The following SRFBP1 variants were observed in gnomAD, a reference collection of about 807,000 sequenced individuals.
SRFBP1 encodes the protein serum response factor-binding protein 1.
A neutral mutation model predicts 45.5 loss-of-function variants in SRFBP1; 47 were observed. The ratio of observed to expected loss-of-function variants is 1.03; its 90% CI spans 0.82 to 1.32. SRFBP1 has a LOEUF of 1.32. Among genes scored for constraint, SRFBP1 ranks in the 40% most tolerant of loss-of-function variants. The pLI is 0.00. For missense variants in SRFBP1, 621 were observed against 484.6 expected (o/e 1.28, Z -2.64); for synonymous variants, 203 against 166.3 (o/e 1.22, Z -1.70).
Position 122,036,636 on chromosome 5 carries a change from C to G in SRFBP1, n.311+14229C>G, listed in dbSNP as rs1042225641. Among the ~76,000 whole-genome samples, 106 of 152,044 alleles carry G rather than the reference C, an allele frequency of 7.0e-4. 1 individual carries two copies. Among genetic ancestry groups the G allele is most frequent in the Non-Finnish European group, 6.8e-4 (46 of 68,020 alleles). ...AGTGATTTACGCCTATGTGATTGAC[C>G]CTGTGTAAAAACCTTGAGCACCAAG... On this transcript the variant is annotated intron_variant and non_coding_transcript_variant, in intron 2 of 2. Coordinates refer to the SRFBP1 transcript ENST00000504881.
chr5:122,022,064 A>G (rs73795207), intron 6 of SRFBP1, among the ~76,000 whole-genome samples: 9 of 151,824 alleles, frequency 5.9e-5, no homozygotes, highest in Non-Finnish European at 1.2e-4. Flanking sequence ...AATTCTTTAT[A>G]TAGATAATCC....
intron 4 of SRFBP1, among the ~76,000 whole-genome samples, chr5:122,018,513 G>C (rs1294461294): frequency 6.6e-6 from 1 of 152,152 alleles, no homozygotes; most frequent in Non-Finnish European, 1.5e-5. Context: ...CATACAATAA[G>C]ATGGAAAAGC....
At chr5:122,021,896 A>C (rs2112710162) in intron 6 of SRFBP1, among the ~76,000 whole-genome samples, 1 of 151,036 alleles carries the variant, frequency 6.6e-6, no homozygotes, top group African/African-American at 2.4e-5. Flanking sequence ...GGGTTTCACC[A>C]TATTGGCCCG....
chr5:121,962,056 C>T lies in SRFBP1; in HGVS notation c.24C>T (p.Asn8=). Residue 8 remains asparagine (N), a synonymous_variant, in exon 1 of 8, where the codon AAC becomes AAT. Coordinates refer to ENST00000339397, the MANE Select transcript of SRFBP1 (RefSeq NM_152546.3). ...CCATGGCTCAGCCGGGAACTCTGAA[C>T]CTCAATAACGAGGTGAGCGCCGAGG... is the stretch of plus-strand genomic sequence containing the variant. The part of the protein sequence containing the change: MAQPGTL[N]LNNEVVKMRK... 1.2e-6 allele frequency: 2 copies of T among 1,614,102 alleles called. No homozygotes were observed. Among genetic ancestry groups the T allele is most frequent in the Non-Finnish European group, 1.7e-6 (2 of 1,180,034 alleles).
downstream of SRFBP1, among the ~76,000 whole-genome samples, chr5:122,029,074 T>C (rs6886480): frequency 0.028 from 4,176 of 150,936 alleles, 204 homozygotes; most frequent in African/African-American, 0.096. Context: ...GGAGTGATTT[T>C]CCCCCCAGGG....
At position 122,000,725 on chromosome 5, in the gene SRFBP1, A is replaced by G. The variant is rs200208147; in HGVS notation, c.270+6055A>G. Among the ~76,000 whole-genome samples, 6 of 152,044 alleles carry G rather than the reference A, an allele frequency of 3.9e-5. No individual in the cohort carries two copies. The East Asian group carries it at 1.2e-3, about 29-fold the overall frequency. On this transcript the variant is annotated intron_variant, in intron 4 of 7. Transcript: ENST00000339397. ...GTTCACTCTGACTGGTTCAGTGTGA[A>G]TTTGCTATTTGTCCATCTTTTTTGT...
chr5:122,076,829 C>T (rs1324862223), downstream of SRFBP1: 56 of 1,433,806 alleles, frequency 3.9e-5, no homozygotes, highest in Non-Finnish European at 5.3e-5. Flanking sequence ...CAGTCAGAAC[C>T]AGGCACCAGA....
chr5:122,072,310 G>A (rs1438987808), intron 2 of SRFBP1, among the ~76,000 whole-genome samples: 1 of 152,122 alleles, frequency 6.6e-6, no homozygotes, highest in African/African-American at 2.4e-5. Flanking sequence ...GAGTTACTAA[G>A]GCAAATAGGC....
chr5:122,035,584 A>C (rs1267994534), intron 2 of SRFBP1, among the ~76,000 whole-genome samples: 3 of 152,176 alleles, frequency 2.0e-5, no homozygotes, highest in African/African-American at 7.2e-5. Context: ...GGATTCAAGA[A>C]AATTTATGAT....
intron 2 of SRFBP1, among the ~76,000 whole-genome samples, chr5:122,054,702 C>T (rs1169427239): frequency 6.6e-6 from 1 of 152,156 alleles, no homozygotes; most frequent in African/African-American, 2.4e-5. Context: ...TCTCAGCTTC[C>T]TTTCCTCCAC....
chr5:122,046,866 T>TG (rs1753869630), intron 2 of SRFBP1, among the ~76,000 whole-genome samples: 1 of 152,314 alleles, frequency 6.6e-6, no homozygotes, highest in East Asian at 1.9e-4. Context: ...TGTCTGTTCA[T>TG]TCCTTTGCCC....
chr5:122,033,487 T>TG (rs1023086142), downstream of SRFBP1, among the ~76,000 whole-genome samples: 4 of 152,090 alleles, frequency 2.6e-5, no homozygotes, highest in African/African-American at 9.7e-5. Context: ...TCTGCTTTTT[T>TG]TTTTTGAGGT....
chr5:122,021,499 A>G (rs1161237818), intron 6 of SRFBP1, among the ~76,000 whole-genome samples: 1 of 152,120 alleles, frequency 6.6e-6, no homozygotes, highest in Non-Finnish European at 1.5e-5. Context: ...GAAAAATGTG[A>G]TGTAAAAATT....
chr5:122,020,822 C>G lies in SRFBP1; in HGVS notation c.1067+20C>G. The G allele has an allele frequency of 6.6e-7, 1 of 1,504,842 alleles. No homozygotes were observed. The highest frequency in any genetic ancestry group is 8.9e-7 in the Non-Finnish European group (1 of 1,128,064). The allele number at this position is 1,504,842 out of a possible 1,614,324, so 93.2% of individuals were successfully genotyped here. ...TAGAAGGTAAGATTCTTTTTCTATTCTGAAATAATCATTAGTTCTTTTTTA... is the reference window on the plus strand; with the variant it reads ...TAGAAGGTAAGATTCTTTTTCTATTGTGAAATAATCATTAGTTCTTTTTTA... On this transcript the variant is annotated intron_variant, in intron 6 of 7. Transcript: ENST00000339397.
rs75017243 is a variant in SRFBP1, at chr5:122,010,370, T to C, written c.271-8890T>C. Among the ~76,000 whole-genome samples the C allele has an allele frequency of 5.1e-3, 784 of 152,264 alleles. 20 individuals are homozygous for C. The East Asian group carries it at 0.053, about 10-fold the overall frequency. Reference sequence around the variant, plus strand: ...ATGGTGCTCTGGGACCAAATACATTTAGAAATCGATCCACTGCTGGAAATA... The same window carrying C: ...ATGGTGCTCTGGGACCAAATACATTCAGAAATCGATCCACTGCTGGAAATA... On this transcript the variant is annotated intron_variant, in intron 4 of 7. Coordinates refer to ENST00000339397, the MANE Select transcript of SRFBP1 (RefSeq NM_152546.3).
At chr5:121,972,215 A>C (rs1752213522) in intron 1 of SRFBP1, among the ~76,000 whole-genome samples, 1 of 151,972 alleles carries the variant, frequency 6.6e-6, no homozygotes, top group Non-Finnish European at 1.5e-5. Context: ...AAGACAGTTA[A>C]AAGATAAACT....
At chr5:121,978,757 A>G (rs537396188) in intron 3 of SRFBP1, among the ~76,000 whole-genome samples, 63 of 152,140 alleles carry the variant, frequency 4.1e-4, no homozygotes, top group African/African-American at 1.5e-3. Flanking sequence ...CTCCCATAGT[A>G]CTGGGATTAC....
downstream of SRFBP1, among the ~76,000 whole-genome samples, chr5:122,078,668 G>A (rs1047771894): frequency 1.3e-5 from 2 of 152,128 alleles, no homozygotes; most frequent in Non-Finnish European, 2.9e-5. Context: ...GGTGAGAGGG[G>A]GGCGGGGGAG....
At chr5:121,989,350 G>C (rs889765621) in intron 3 of SRFBP1, among the ~76,000 whole-genome samples, 4 of 152,130 alleles carry the variant, frequency 2.6e-5, no homozygotes, top group African/African-American at 9.7e-5. Context: ...ACAGGTGTGA[G>C]CCACCGAGCC....
Sources: gnomAD v4.1 joint callset for allele counts (sites outside exome capture counted in the v4.1 genomes callset) on GRCh38, gnomAD v4.1.1 for gene constraint, MANE v1.5 for transcripts, NCBI Gene and HGNC (gene_info 2026-07-23, HGNC 2026-07-21) for gene names.